The following USP6NL variants were observed in gnomAD, a reference collection of about 807,000 sequenced individuals.
USP6NL encodes USP6 N-terminal-like protein.
A neutral mutation model predicts 61.9 loss-of-function variants in USP6NL; 26 were observed. The observed-to-expected ratio is 0.42, with a 90% CI of 0.31 to 0.58. The LOEUF (loss-of-function observed/expected upper bound fraction) is 0.58. Ranked by LOEUF, USP6NL falls within the 20% of genes least tolerant of loss-of-function variation. The pLI, the probability that USP6NL is intolerant of heterozygous loss-of-function variation, is 0.16. For missense variants in USP6NL, 1,114 were observed against 1,034.3 expected, an observed-to-expected ratio of 1.08 and a Z score of -1.06; for synonymous variants, 432 against 390.1, an observed-to-expected ratio of 1.11 and a Z score of -1.27.
At position 11,504,266 on chromosome 10, in the gene USP6NL, A is replaced by G. The variant is rs547793152; in HGVS notation, c.277-3058T>C. Among the ~76,000 whole-genome samples the G allele has an allele frequency of 2.0e-5, 3 of 152,330 alleles. No homozygotes were observed. In the South Asian group the frequency reaches 6.2e-4, roughly 32 times the overall value. On this transcript the variant is annotated intron_variant, in intron 6 of 14. Transcript: ENST00000609104. Reference sequence around the variant, plus strand: ...TTTTTAACTATCATAGAAGTTTTACAAACTCTATAAAACAAAGTGGGAATT... The same window carrying G: ...TTTTTAACTATCATAGAAGTTTTACGAACTCTATAAAACAAAGTGGGAATT...
intron 5 of USP6NL, among the ~76,000 whole-genome samples, chr10:11,514,022 C>A (rs1333114444): frequency 6.6e-6 from 1 of 152,228 alleles, no homozygotes; most frequent in African/African-American, 2.4e-5. Context: ...ATCAGATGCA[C>A]ACGATGCCAA....
intron 2 of USP6NL, among the ~76,000 whole-genome samples, chr10:11,541,024 C>CA (rs5783217): frequency 0.28 from 42,753 of 151,216 alleles, 6,998 homozygotes; most frequent in Non-Finnish European, 0.38. Flanking sequence ...GCTCCAAGCA[C>CA]AGTACCACAG....
At chr10:11,492,388 T>G (rs1184178311) in intron 8 of USP6NL, among the ~76,000 whole-genome samples, 1 of 152,200 alleles carries the variant, frequency 6.6e-6, no homozygotes, top group Non-Finnish European at 1.5e-5. Context: ...TCTGTTAACT[T>G]TAAGTAGGAG....
chr10:11,520,480 G>T lies in USP6NL; in HGVS notation c.156-1906C>A, dbSNP rs927419056. Among the ~76,000 whole-genome samples, 5 of 152,204 alleles carry T rather than the reference G, an allele frequency of 3.3e-5. No individual in the cohort carries two copies. Among genetic ancestry groups the T allele is most frequent in the African/African-American group, 1.2e-4 (5 of 41,464 alleles). ...TGCTGCTGCTTACCAAGAGCTCCCT[G>T]TAATGCCCAGAATACGTAAGTTGGC... On this transcript the variant is annotated intron_variant, in intron 4 of 14. Coordinates refer to ENST00000609104, the MANE Select transcript of USP6NL (RefSeq NM_014688.5). This position sits in a 1 kb window ranked among gnomAD's most constrained non-coding sequence, Gnocchi z 5.2.
rs1375942442 is a variant in USP6NL at position 11,460,645 on chromosome 10, AT to A, written c.*1795del. ...TTTGCATATATATATATATATATAT[AT>A]ATATATATAAAAATCTACAGTATTT... On this transcript the variant is annotated 3_prime_UTR_variant, in exon 15 of 15. Transcript: ENST00000609104. 2.3e-3 allele frequency: 329 copies of A among 145,696 alleles called. No individual in the cohort carries two copies. The highest frequency in any genetic ancestry group is 8.0e-3 in the African/African-American group (317 of 39,534). The allele number at this position is 145,696 out of a possible 1,614,324, so 9.0% of individuals were successfully genotyped here.
chr10:11,523,293 G>A (rs927176865), intron 4 of USP6NL, among the ~76,000 whole-genome samples: 3 of 152,222 alleles, frequency 2.0e-5, no homozygotes, highest in African/African-American at 7.2e-5. Context: ...AAGAGTCAGA[G>A]AGACTGGATG....
intron 13 of USP6NL, among the ~76,000 whole-genome samples, chr10:11,484,411 T>A (rs1423902954): frequency 6.7e-6 from 1 of 148,754 alleles, no homozygotes; most frequent in Non-Finnish European, 1.5e-5. Context: ...TTTTTTTTTT[T>A]AATCTTGCTC....
intron 7 of USP6NL, among the ~76,000 whole-genome samples, 193 bp from the exon 8 acceptor site, chr10:11,493,421 T>A (rs1263006628): frequency 6.6e-6 from 1 of 152,320 alleles, no homozygotes; most frequent in East Asian, 1.9e-4. Context: ...CCATTTCTCC[T>A]ACTGCCTGCT....
At chr10:11,569,895 C>T (rs1837297477) in intron 2 of USP6NL, among the ~76,000 whole-genome samples, 1 of 152,172 alleles carries the variant, frequency 6.6e-6, no homozygotes, top group Non-Finnish European at 1.5e-5. Flanking sequence ...AGAGAATTTC[C>T]AAACATCTTT....
intron 1 of USP6NL, among the ~76,000 whole-genome samples, chr10:11,606,697 T>C (rs1268147849): frequency 1.3e-5 from 2 of 150,108 alleles, no homozygotes; most frequent in African/African-American, 4.9e-5. Context: ...AGCTAAAAAA[T>C]GAAAAAACAA....
intron 14 of USP6NL, among the ~76,000 whole-genome samples, chr10:11,479,583 T>G (rs1399400405): frequency 6.7e-6 from 1 of 149,938 alleles, no homozygotes. Flanking sequence ...TTTTTTTGGT[T>G]TTTTTTTTTT....
At position 11,463,406 on chromosome 10, in the gene USP6NL, C is replaced by T; in HGVS notation, c.1522G>A (p.Gly508Ser). 6.2e-7 allele frequency: 1 copy of T among 1,614,050 alleles called. No individual in the cohort carries two copies. Among genetic ancestry groups the T allele is most frequent in the Non-Finnish European group, 8.5e-7 (1 of 1,179,898 alleles). The change falls in exon 15 of 15, where the codon GGT becomes AGT. Residue 508 changes from glycine (G) to serine (S), a missense_variant. Physicochemically the swap from Gly to Ser is moderately conservative, Grantham distance 56. Transcript: ENST00000609104. This position sits in a 1 kb window ranked among gnomAD's most constrained non-coding sequence, Gnocchi z 6.3. ...GCGAGCGCGGGGTGCGCTGCTCGAC[C>T]TTTGCCTTCCATGGTGTATTTGGCA... ...RTAKYTMEGK[G>S]RAAHPALAVT...
intron 6 of USP6NL, among the ~76,000 whole-genome samples, chr10:11,503,586 T>C (rs757804261): frequency 6.6e-6 from 1 of 152,184 alleles, no homozygotes; most frequent in African/African-American, 2.4e-5. Context: ...TCATCATCCA[T>C]GGCAACAATT....
rs1838307535 is a variant in USP6NL, at chr10:11,595,796, T to C, written c.4+1835A>G. On this transcript the variant is annotated intron_variant, in intron 2 of 14. Coordinates refer to ENST00000609104, the MANE Select transcript of USP6NL (RefSeq NM_014688.5). The surrounding 1 kb of genome is among the most constrained non-coding windows in gnomAD (Gnocchi z 5.3). ...AATTATCAAATGATCTGAAAAAGAC[T>C]TTAAAATAAGCATGTAAAAGATCCA... is the stretch of plus-strand genomic sequence containing the variant. 6.6e-6 allele frequency among the ~76,000 whole-genome samples: 1 copy of C among 152,150 alleles called. No homozygotes were observed. The highest frequency in any genetic ancestry group is 2.4e-5 in the African/African-American group (1 of 41,434).
chr10:11,555,433 A>AATAT (rs1157927483), intron 2 of USP6NL, among the ~76,000 whole-genome samples: 33 of 49,004 alleles, frequency 6.7e-4, no homozygotes, highest in Admixed American at 1.2e-3. Context: ...AAAAAAAAAA[A>AATAT]ATATATATAT....
In USP6NL at chr10:11,502,412, C is replaced by T. The variant is rs553726732; in HGVS notation, c.277-1204G>A. Reference sequence around the variant, plus strand: ...TCTAATTACTCAAAATAACATAAAACCTATTACGGTCATCACAATGTTGTG... The same window carrying T: ...TCTAATTACTCAAAATAACATAAAATCTATTACGGTCATCACAATGTTGTG... On this transcript the variant is annotated intron_variant, in intron 6 of 14. Coordinates refer to ENST00000609104, the MANE Select transcript of USP6NL (RefSeq NM_014688.5). Among the ~76,000 whole-genome samples, 4 of 152,240 alleles carry T rather than the reference C, an allele frequency of 2.6e-5. No homozygotes were observed. The South Asian group carries it at 8.3e-4, about 32-fold the overall frequency.
chr10:11,547,347 G>A (rs1012549267), intron 2 of USP6NL, among the ~76,000 whole-genome samples: 1 of 152,166 alleles, frequency 6.6e-6, no homozygotes, highest in African/African-American at 2.4e-5. Context: ...TTACAGATGA[G>A]GAAAGGGAGG....
chr10:11,489,011 T>C lies in USP6NL; in HGVS notation c.664+91A>G. The C allele has an allele frequency of 6.6e-7, 1 of 1,513,982 alleles. No individual in the cohort carries two copies. Among genetic ancestry groups the C allele is most frequent in the South Asian group, 1.3e-5 (1 of 76,144 alleles). 93.8% of individuals were successfully genotyped at this position (1,513,982 alleles called of 1,614,324 possible). A position where few individuals can be genotyped will look rare whatever the true frequency, so the allele number is the denominator to read the frequency against. ...ACGAGCCCTGAGACATTAAATTTGC[T>C]GTATGTAACTCTTGCAAGCATCTTT... is the stretch of plus-strand genomic sequence containing the variant. On this transcript the variant is annotated intron_variant, in intron 10 of 14. Coordinates refer to ENST00000609104, the MANE Select transcript of USP6NL (RefSeq NM_014688.5). This position sits in a 1 kb window ranked among gnomAD's most constrained non-coding sequence, Gnocchi z 5.7.
chr10:11,597,947 T>A lies in USP6NL; in HGVS notation c.-83-230A>T, dbSNP rs1838383908. Reference sequence around the variant, plus strand: ...TACTTCAAATTTAAGTGATATGTAGTAAGTAATCACCACATAGAAACTTAC... The same window carrying A: ...TACTTCAAATTTAAGTGATATGTAGAAAGTAATCACCACATAGAAACTTAC... On this transcript the variant is annotated intron_variant, in intron 1 of 14. Coordinates refer to ENST00000609104, the MANE Select transcript of USP6NL (RefSeq NM_014688.5). The surrounding 1 kb of genome is among the most constrained non-coding windows in gnomAD (Gnocchi z 4.6). 6.6e-6 allele frequency among the ~76,000 whole-genome samples: 1 copy of A among 152,236 alleles called. No individual in the cohort carries two copies. Among genetic ancestry groups the A allele is most frequent in the South Asian group, 2.1e-4 (1 of 4,834 alleles).
Sources: gnomAD v4.1 joint callset for allele counts (sites outside exome capture counted in the v4.1 genomes callset) on GRCh38, gnomAD v4.1.1 for gene constraint, Gnocchi (gnomAD v3.1) non-coding constraint, MANE v1.5 for transcripts, NCBI Gene and HGNC (gene_info 2026-07-23, HGNC 2026-07-21) for gene names.